The following COL6A3 variants were observed in gnomAD, a reference collection of about 807,000 sequenced individuals.
The protein encoded by COL6A3 is collagen alpha-3(VI) chain.
In COL6A3, 137 loss-of-function variants were observed where a neutral mutation model predicts 274.1. The observed-to-expected ratio is 0.50, with a 90% CI of 0.44 to 0.58. COL6A3 has a LOEUF of 0.58. COL6A3 is among the 20% of genes least tolerant of loss of function. The pLI is 0.00. For missense variants in COL6A3, 3,950 were observed against 4,124.9 expected, an observed-to-expected ratio of 0.96 and a Z score of 1.16; for synonymous variants, 1,650 against 1,650.6, an observed-to-expected ratio of 1.00 and a Z score of 0.01.
At chr2:237,341,845 T>A (rs947825043) in intron 37 of COL6A3, among the ~76,000 whole-genome samples, 1 of 152,234 alleles carries the variant, frequency 6.6e-6, no homozygotes, top group Admixed American at 6.5e-5. Flanking sequence ...TTGTTACCTA[T>A]AAAATGAATT....
In COL6A3 at chr2:237,371,120, T is replaced by A. The variant is rs1276926867; in HGVS notation, c.4285+612A>T. 6.6e-6 allele frequency among the ~76,000 whole-genome samples: 1 copy of A among 152,188 alleles called. No individual in the cohort carries two copies. Among genetic ancestry groups the A allele is most frequent in the Non-Finnish European group, 1.5e-5 (1 of 68,038 alleles). Reference sequence around the variant, plus strand: ...ATCCAATCCAGGCCACAGTTCCATTTCTTTAAGCCTTCCACAAAATGACCT... The same window carrying A: ...ATCCAATCCAGGCCACAGTTCCATTACTTTAAGCCTTCCACAAAATGACCT... On this transcript the variant is annotated intron_variant, in intron 9 of 43. Coordinates refer to ENST00000295550, the MANE Select transcript of COL6A3 (RefSeq NM_004369.4). This position sits in a 1 kb window ranked among gnomAD's most constrained non-coding sequence, Gnocchi z 4.3.
intron 5 of COL6A3, 58 bp from the exon 6 acceptor site, chr2:237,379,293 T>C (rs1574721843): frequency 6.2e-7 from 1 of 1,608,366 alleles, no homozygotes. Flanking sequence ...AGTTTTATCA[T>C]GTGTGCCTAC....
At position 237,364,362 on chromosome 2, in the gene COL6A3, G is replaced by A; in HGVS notation, c.5905C>T (p.Leu1969Phe). Residue 1969 changes from leucine (L) to phenylalanine (F), a missense_variant, in exon 13 of 44, where the codon CTC becomes TTC. Physicochemically the swap from Leu to Phe is conservative, Grantham distance 22. Around this residue, in one of 5 missense-constraint regions of COL6A3, gnomAD observed 632 missense variants for 623.4 expected, o/e 1.01. Coordinates refer to ENST00000295550, the MANE Select transcript of COL6A3 (RefSeq NM_004369.4). This position sits in a 1 kb window ranked among gnomAD's most constrained non-coding sequence, Gnocchi z 4.6. ...CCTTGGCACCTACCTTCTTGGCGGA[G>A]GTTCTCAGATGCTCTGTGTAAATCA... ...LADLHRASEN[L>F]RQEGVRALIL... 1 of 1,613,798 alleles carries A rather than the reference G, an allele frequency of 6.2e-7. No homozygotes were observed. Among genetic ancestry groups the A allele is most frequent in the Non-Finnish European group, 8.5e-7 (1 of 1,179,766 alleles).
chr2:237,353,901 A>C (rs1008212838), intron 24 of COL6A3, among the ~76,000 whole-genome samples: 1 of 152,216 alleles, frequency 6.6e-6, no homozygotes, highest in Non-Finnish European at 1.5e-5. Context: ...ATGAAAGAAA[A>C]ATAAATCTCA....
At chr2:237,390,550 G>T (rs547451072) in intron 3 of COL6A3, among the ~76,000 whole-genome samples, 369 of 152,020 alleles carry the variant, frequency 2.4e-3, no homozygotes, top group Non-Finnish European at 3.8e-3. Context: ...AAAATTGTCT[G>T]GTTTTCTGCT....
Position 237,371,889 on chromosome 2 carries a change from C to T in COL6A3, c.4128G>A (p.Glu1376=), listed in dbSNP as rs1480848100. The change falls in exon 9 of 44, where the codon GAG becomes GAA. Residue 1376 remains glutamate, a synonymous_variant. Coordinates refer to ENST00000295550, the MANE Select transcript of COL6A3 (RefSeq NM_004369.4). The surrounding 1 kb of genome is among the most constrained non-coding windows in gnomAD (Gnocchi z 4.3). ...PFTIARNADQ[E]ELVKISLSPE... is the part of the protein sequence containing the mutation. The stretch of plus-strand genomic sequence containing the variant: ...GGCTCAGCGAGATCTTCACCAGCTC[C>T]TCCTGGTCTGCGTTCCTGGCGATCG... The T allele has an allele frequency of 1.9e-6, 3 of 1,613,766 alleles. No individual in the cohort carries two copies. The highest frequency in any genetic ancestry group is 4.5e-5 in the East Asian group (2 of 44,874).
chr2:237,374,413 T>A lies in COL6A3; in HGVS notation c.3678A>T (p.Pro1226=). 1 of 1,612,550 alleles carries A rather than the reference T, an allele frequency of 6.2e-7. No individual in the cohort carries two copies. Among genetic ancestry groups the A allele is most frequent in the South Asian group, 1.1e-5 (1 of 91,034 alleles). ...GGATGCAAAGAGTTCCCTGCGTACC[T>A]GGGCTCGGTAGAGGCTGCAACACCG... ...LQPVLQPLPS[P]GVGGKRDVVF... Residue 1226 remains proline, a splice_region_variant and synonymous_variant, in exon 8 of 44, where the codon CCA becomes CCT. Transcript: ENST00000295550. The surrounding 1 kb of genome is among the most constrained non-coding windows in gnomAD (Gnocchi z 4.8).
rs1207329162 is a variant in COL6A3 at position 237,368,038 on chromosome 2, G to T, written c.4900+525C>A. Among the ~76,000 whole-genome samples the T allele has an allele frequency of 6.6e-6, 1 of 152,166 alleles. No individual in the cohort carries two copies. Among genetic ancestry groups the T allele is most frequent in the Non-Finnish European group, 1.5e-5 (1 of 68,022 alleles). On this transcript the variant is annotated intron_variant, in intron 10 of 43. Transcript: ENST00000295550. The surrounding 1 kb of genome is among the most constrained non-coding windows in gnomAD (Gnocchi z 4.4). ...TCTACATGGCGATTACTTGGAGGAG[G>T]GACAAAGAAAAATATGGGCTGGTGG...
rs565385852 is a variant in COL6A3 at position 237,324,542 on chromosome 2, A to G, written c.*232T>C. On this transcript the variant is annotated 3_prime_UTR_variant, in exon 44 of 44. Transcript: ENST00000295550. ...ACCAGCAGTGGCTAACTGTTACACA[A>G]CATTCAAAGTATTCGAGAGAACTGC... 11 of 542,096 alleles carry G rather than the reference A, an allele frequency of 2.0e-5. No individual in the cohort carries two copies. In the African/African-American group the frequency reaches 2.1e-4, roughly 10 times the overall value. 33.6% of individuals were successfully genotyped at this position (542,096 alleles called of 1,614,324 possible).
In COL6A3 at chr2:237,403,790, TCTC is replaced by T. The variant is rs553064984; in HGVS notation, c.-30-6946_-30-6944del. Among the ~76,000 whole-genome samples the T allele has an allele frequency of 2.9e-3, 441 of 151,884 alleles. 1 individual carries two copies. The highest frequency in any genetic ancestry group is 6.5e-3 in the Admixed American group (99 of 15,268). On this transcript the variant is annotated intron_variant, in intron 1 of 43. Coordinates refer to ENST00000295550, the MANE Select transcript of COL6A3 (RefSeq NM_004369.4). Reference sequence around the variant, plus strand: ...ACCCCCGACAGGCTGGACTGCCTGTTCTCCTCCCTCCACTTAGGTTGACCCTAC... The same window carrying T: ...ACCCCCGACAGGCTGGACTGCCTGTTCTCCCTCCACTTAGGTTGACCCTAC...
intron 42 of COL6A3, chr2:237,326,286 T>G (rs1168129174): frequency 1.3e-5 from 2 of 150,994 alleles, no homozygotes; most frequent in Non-Finnish European, 3.0e-5. Flanking sequence ...CACGTATGTG[T>G]GGTAGCCAAG....
chr2:237,384,394 T>C (rs956567750), intron 4 of COL6A3, among the ~76,000 whole-genome samples: 2 of 152,100 alleles, frequency 1.3e-5, no homozygotes, highest in Non-Finnish European at 2.9e-5. Flanking sequence ...CTCACCAACA[T>C]GGCACAACCC....
At position 237,361,816 on chromosome 2, in the gene COL6A3, T is replaced by C; in HGVS notation, c.6079A>G (p.Lys2027Glu). 1 of 1,614,184 alleles carries C rather than the reference T, an allele frequency of 6.2e-7. No individual in the cohort carries two copies. Among genetic ancestry groups the C allele is most frequent in the South Asian group, 1.1e-5 (1 of 91,082 alleles). The change falls in exon 15 of 44, where the codon AAA becomes GAA. Residue 2027 changes from lysine to glutamate, a missense_variant. Around this residue, in one of 5 missense-constraint regions of COL6A3, gnomAD observed 632 missense variants for 623.4 expected, o/e 1.01. Coordinates refer to ENST00000295550, the MANE Select transcript of COL6A3 (RefSeq NM_004369.4). The surrounding 1 kb of genome is among the most constrained non-coding windows in gnomAD (Gnocchi z 5.1). Reference protein sequence around the residue: ...LAEQLDNIAEKACCGVPCKCS... With the variant: ...LAEQLDNIAEEACCGVPCKCS... ...TTGCAGGGAACCCCACAGCAAGCTT[T>C]CTCGGCAATGTTGTCCTACCGAAAG...
At chr2:237,331,724 T>A (rs1377650335) in intron 42 of COL6A3, among the ~76,000 whole-genome samples, 4 of 147,640 alleles carry the variant, frequency 2.7e-5, no homozygotes, top group South Asian at 2.2e-4. Context: ...GTTCTTTTTT[T>A]AAAAAAAAAA....
intron 42 of COL6A3, 165 bp downstream of exon 42, chr2:237,333,285 G>T: frequency 1.4e-6 from 1 of 696,564 alleles, no homozygotes; most frequent in Non-Finnish European, 2.6e-6. Context: ...TTTACACCTG[G>T]GATTATGCAG....
rs1198216449 is a variant in COL6A3, at chr2:237,376,863, G to C, written c.2979C>G (p.Ile993Met). Residue 993 changes from isoleucine to methionine, a missense_variant, in exon 7 of 44, where the codon ATC (isoleucine) becomes ATG (methionine). Physicochemically the swap from Ile to Met is conservative, Grantham distance 10. This residue lies in a region of COL6A3 where 1,934 missense variants were observed against 1,984.3 expected (regional missense o/e 0.97). Transcript: ENST00000295550. ...TCTTGGGAAGCGACTCTGCAGCCAG[G>C]ATAAACGCTGGAGACAGCACGATCT... Reference protein sequence around the residue: ...LEQIVLSPAFILAAESLPKIG... With the variant: ...LEQIVLSPAFMLAAESLPKIG... The C allele has an allele frequency of 3.7e-6, 6 of 1,614,120 alleles. No homozygotes were observed. In the South Asian group the frequency reaches 5.5e-5, roughly 15 times the overall value.
rs1452687090 is a variant in COL6A3, at chr2:237,368,510, A to G, written c.4900+53T>C. On this transcript the variant is annotated intron_variant, in intron 10 of 43. Transcript: ENST00000295550. This position sits in a 1 kb window ranked among gnomAD's most constrained non-coding sequence, Gnocchi z 4.4. Reference sequence around the variant, plus strand: ...ATGACTACTGATTACTTTTTTAACTAAAAAAAAAATGTTGATGTCACACTC... The same window carrying G: ...ATGACTACTGATTACTTTTTTAACTGAAAAAAAAATGTTGATGTCACACTC... 2.6e-6 allele frequency: 3 copies of G among 1,145,374 alleles called. No individual in the cohort carries two copies. In the Admixed American group the frequency reaches 7.6e-5, roughly 29 times the overall value. The allele number at this position is 1,145,374 out of a possible 1,614,324, so 71.0% of individuals were successfully genotyped here.
Position 237,340,886 on chromosome 2 carries a change from T to C in COL6A3, c.8030A>G (p.Asn2677Ser), listed in dbSNP as rs755750913. 4.3e-6 allele frequency: 7 copies of C among 1,613,762 alleles called. No homozygotes were observed. Among genetic ancestry groups the C allele is most frequent in the Non-Finnish European group, 5.9e-6 (7 of 1,179,676 alleles). ...CACCTTCACAGGTGGCATGCTGGCA[T>C]TGTCCACGGACTCAGAGGGCGCGTG... Reference protein sequence around the residue: ...VQHAPSESVDNASMPPVKVEF... With the variant: ...VQHAPSESVDSASMPPVKVEF... Residue 2677 changes from asparagine (N) to serine (S), a missense_variant, in exon 38 of 44, where the codon AAT (asparagine) becomes AGT (serine). By Grantham distance (46) the Asn-to-Ser change is conservative. Around this residue, in one of 5 missense-constraint regions of COL6A3, gnomAD observed 1,284 missense variants for 1,349.7 expected, o/e 0.95. Transcript: ENST00000295550.
chr2:237,348,690 T>A (rs756355938), intron 28 of COL6A3, 27 bp from the exon 29 acceptor site: 1 of 1,611,540 alleles, frequency 6.2e-7, no homozygotes. Context: ...GATGTGACTG[T>A]AGGTCGCCAT....
Sources: gnomAD v4.1 joint callset for allele counts (sites outside exome capture counted in the v4.1 genomes callset) on GRCh38, gnomAD v4.1.1 for gene constraint, gnomAD v4.1.1 regional missense constraint, Gnocchi (gnomAD v3.1) non-coding constraint, MANE v1.5 for transcripts, NCBI Gene and HGNC (gene_info 2026-07-23, HGNC 2026-07-21) for gene names.